The following UBE2V2 variants were observed in gnomAD, a reference collection of about 807,000 sequenced individuals.
The protein encoded by UBE2V2 is ubiquitin-conjugating enzyme E2 variant 2.
Under a neutral mutation model 17.2 loss-of-function variants are expected in UBE2V2, and 9 were observed. That is an observed-to-expected ratio of 0.52 (90% CI 0.32 to 0.91). The LOEUF (loss-of-function observed/expected upper bound fraction) is 0.91. UBE2V2 is among the 40% of genes least tolerant of loss of function. The pLI is 0.04. For missense variants in UBE2V2, 133 were observed against 182.6 expected, an observed-to-expected ratio of 0.73 and a Z score of 1.56; for synonymous variants, 61 against 57.5, an observed-to-expected ratio of 1.06 and a Z score of -0.28.
At chr8:48,057,843 T>G (rs2091582771) in intron 3 of UBE2V2, among the ~76,000 whole-genome samples, 1 of 152,252 alleles carries the variant, frequency 6.6e-6, no homozygotes, top group Admixed American at 6.5e-5. Context: ...GTTGCCTTGA[T>G]GAACTTGTTT....
chr8:48,026,581 A>G (rs2091347895), intron 1 of UBE2V2, among the ~76,000 whole-genome samples: 1 of 152,180 alleles, frequency 6.6e-6, no homozygotes, highest in Admixed American at 6.6e-5. Flanking sequence ...TCACTGTTCT[A>G]TACCTCCAAA....
intron 1 of UBE2V2, among the ~76,000 whole-genome samples, chr8:48,037,679 A>T (rs1449176064): frequency 6.6e-6 from 1 of 152,212 alleles, no homozygotes; most frequent in South Asian, 2.1e-4. Flanking sequence ...TGGCTAGATC[A>T]TGGGCCTAGC....
chr8:48,053,843 T>A (rs1292309867), intron 3 of UBE2V2, among the ~76,000 whole-genome samples: 1 of 150,646 alleles, frequency 6.6e-6, no homozygotes, highest in Non-Finnish European at 1.5e-5. Context: ...TTGCTCTTGT[T>A]GTCCAGGCTG....
At chr8:48,031,661 T>C (rs971354606) in intron 1 of UBE2V2, among the ~76,000 whole-genome samples, 5 of 152,178 alleles carry the variant, frequency 3.3e-5, no homozygotes, top group African/African-American at 1.2e-4. Flanking sequence ...TTGAATTTGT[T>C]TTTTTCTTTT....
Position 48,049,869 on chromosome 8 carries a change from G to A in UBE2V2, c.182G>A (p.Arg61Lys). The change falls in exon 3 of 4, where the codon AGA becomes AAA. Residue 61 changes from arginine (R) to lysine (K), a missense_variant. By Grantham distance (26) the Arg-to-Lys change is conservative. Coordinates refer to ENST00000523111, the MANE Select transcript of UBE2V2 (RefSeq NM_003350.3). ...GCCTTCCAGACAAATTATGAAAACA[G>A]AATATATAGCCTGAAAGTAGAATGT... ...IGPPRTNYEN[R>K]IYSLKVECGP... 2 of 1,588,824 alleles carry A rather than the reference G, an allele frequency of 1.3e-6. No homozygotes were observed. The highest frequency in any genetic ancestry group is 1.7e-6 in the Non-Finnish European group (2 of 1,171,332).
chr8:48,015,050 C>CAAAAAA (rs1173137634), intron 1 of UBE2V2, among the ~76,000 whole-genome samples: 1 of 63,746 alleles, frequency 1.6e-5, no homozygotes, highest in Non-Finnish European at 3.1e-5. Flanking sequence ...ACTCCATCTC[C>CAAAAAA]AAAAAAAAAA....
At chr8:48,033,219 C>T (rs915665229) in intron 1 of UBE2V2, among the ~76,000 whole-genome samples, 6 of 151,646 alleles carry the variant, frequency 4.0e-5, no homozygotes, top group African/African-American at 9.7e-5. Flanking sequence ...CGGTGTCTTT[C>T]TCTGTTGCCC....
At chr8:48,048,298 A>G (rs935178197) in intron 2 of UBE2V2, among the ~76,000 whole-genome samples, 2 of 152,218 alleles carry the variant, frequency 1.3e-5, no homozygotes. Flanking sequence ...ATTGTTGAAT[A>G]GTATTTTACT....
upstream of UBE2V2, among the ~76,000 whole-genome samples, chr8:48,005,040 T>A (rs2091175286): frequency 6.7e-6 from 1 of 148,760 alleles, no homozygotes; most frequent in African/African-American, 2.5e-5. Flanking sequence ...TTTTTTTTAA[T>A]TTAAATTCTG....
At chr8:48,022,163 G>A (rs1366776760) in intron 1 of UBE2V2, among the ~76,000 whole-genome samples, 2 of 146,572 alleles carry the variant, frequency 1.4e-5, no homozygotes, top group Non-Finnish European at 3.0e-5. Context: ...TTTGGAGACA[G>A]TGTCGTTCTT....
At chr8:48,020,615 A>C (rs952833947) in intron 1 of UBE2V2, among the ~76,000 whole-genome samples, 2 of 151,938 alleles carry the variant, frequency 1.3e-5, no homozygotes, top group Non-Finnish European at 2.9e-5. Flanking sequence ...CTCTAGTAGT[A>C]TGTTTTTGAT....
intron 1 of UBE2V2, among the ~76,000 whole-genome samples, chr8:48,036,355 T>C (rs1467382440): frequency 3.3e-5 from 5 of 152,124 alleles, no homozygotes; most frequent in African/African-American, 1.2e-4. Context: ...AAAATCAGAC[T>C]TCACTTACTA....
intron 1 of UBE2V2, among the ~76,000 whole-genome samples, chr8:48,009,225 TA>T (rs1036572164): frequency 2.6e-5 from 4 of 152,058 alleles, no homozygotes; most frequent in Admixed American, 2.6e-4. Context: ...AGTTTACATT[TA>T]AAAATGTTAA....
chr8:48,012,747 A>G (rs1198130676), intron 1 of UBE2V2, among the ~76,000 whole-genome samples: 3 of 152,168 alleles, frequency 2.0e-5, no homozygotes, highest in East Asian at 1.9e-4. Context: ...AGCGTGTGCA[A>G]TAGTTTTAAA....
chr8:48,021,108 A>T (rs1589852394), intron 1 of UBE2V2, among the ~76,000 whole-genome samples: 2 of 134,566 alleles, frequency 1.5e-5, no homozygotes, highest in African/African-American at 2.8e-5. Context: ...ATGGATTTTC[A>T]CTCTTGTTTC....
intron 1 of UBE2V2, among the ~76,000 whole-genome samples, chr8:48,011,846 G>T (rs575547606): frequency 6.6e-6 from 1 of 152,242 alleles, no homozygotes; most frequent in East Asian, 1.9e-4. Flanking sequence ...TAGAGACAGG[G>T]TCTCCGTATG....
At chr8:48,041,435 G>A (rs2091463917) in intron 1 of UBE2V2, among the ~76,000 whole-genome samples, 2 of 152,092 alleles carry the variant, frequency 1.3e-5, no homozygotes, top group African/African-American at 2.4e-5. Context: ...CGGCTACAGA[G>A]CGAGACTCTG....
chr8:48,003,740 G>A (rs1416218489), upstream of UBE2V2, among the ~76,000 whole-genome samples: 2 of 152,204 alleles, frequency 1.3e-5, no homozygotes, highest in African/African-American at 2.4e-5. Flanking sequence ...TCAGTTTAAT[G>A]AAAAGACAAG....
chr8:48,056,553 A>G (rs981399225), intron 3 of UBE2V2, among the ~76,000 whole-genome samples: 1 of 152,116 alleles, frequency 6.6e-6, no homozygotes, highest in Non-Finnish European at 1.5e-5. Context: ...AACATAAACA[A>G]TCACCTTCAA....
Sources: allele counts gnomAD v4.1 joint callset (sites outside exome capture counted in the v4.1 genomes callset), GRCh38; gene constraint gnomAD v4.1.1; transcripts MANE v1.5; gene names NCBI Gene and HGNC (gene_info 2026-07-23, HGNC 2026-07-21).